CFAP47: variants seen among roughly 807,000 people sequenced by gnomAD.
CFAP47 encodes the protein cilia and flagella associated protein 47.
Under a neutral mutation model 148.1 loss-of-function variants are expected in CFAP47, and 29 were observed. That is an observed-to-expected ratio of 0.20 (90% CI 0.15 to 0.27). The LOEUF is 0.27. CFAP47 is among the 10% of genes least tolerant of loss of function. The pLI is 1.00. For synonymous variants in CFAP47, 664 were observed against 577.3 expected (o/e 1.15, Z -2.15); for missense variants, 1,872 against 1,697.5 (o/e 1.10, Z -1.81).
intron 56 of CFAP47, among the ~76,000 whole-genome samples, chrX:36,312,412 A>T (rs1466419702): frequency 1.8e-5 from 2 of 111,135 alleles, no homozygotes; most frequent in African/African-American, 3.3e-5. Flanking sequence ...GACAAAATTA[A>T]ATATAAAAGT....
intron 23 of CFAP47, among the ~76,000 whole-genome samples, chrX:36,035,483 G>A (rs1325171674): frequency 9.0e-6 from 1 of 111,320 alleles, no homozygotes; most frequent in Non-Finnish European, 1.9e-5. Flanking sequence ...AAAATGCATG[G>A]AATAATGTGT....
intron 40 of CFAP47, among the ~76,000 whole-genome samples, chrX:36,183,946 T>G (rs1295502838): frequency 9.0e-6 from 1 of 111,048 alleles, no homozygotes; most frequent in Non-Finnish European, 1.9e-5. Context: ...AATATTGAGT[T>G]ATTTAATCAT....
chrX:36,046,211 A>G (rs1036610779), intron 25 of CFAP47, among the ~76,000 whole-genome samples: 2 of 110,666 alleles, frequency 1.8e-5, no homozygotes, highest in African/African-American at 6.5e-5. Flanking sequence ...ACAAAGTAAT[A>G]TGATTAAATA....
At position 36,301,178 on chromosome X, in the gene CFAP47, A is replaced by G. The variant is rs1602098681; in HGVS notation, c.7969A>G (p.Lys2657Glu). Reference protein sequence around the residue: ...TMPEIQCDLGKHVTQIIPLVN... With the variant: ...TMPEIQCDLGEHVTQIIPLVN... ...GCCAGAAATACAGTGCGACCTTGGC[A>G]AGTAAGTTCTACTTAATAGATAAAG... Residue 2657 changes from lysine (K) to glutamate (E), a missense_variant and splice_region_variant, in exon 53 of 64, where the codon AAG (lysine) becomes GAG (glutamate). Lys to Glu is a moderately conservative substitution (Grantham distance 56). Coordinates refer to ENST00000378653, the MANE Select transcript of CFAP47 (RefSeq NM_001304548.2). 9.2e-7 allele frequency: 1 copy of G among 1,088,740 alleles called. No homozygotes were observed. The highest frequency in any genetic ancestry group is 3.3e-5 in the East Asian group (1 of 29,988). 89.7% of individuals were successfully genotyped at this position (1,088,740 alleles called of 1,213,427 possible).
chrX:36,366,700 T>A (rs1487888325), intron 61 of CFAP47, among the ~76,000 whole-genome samples: 1 of 111,555 alleles, frequency 9.0e-6, no homozygotes, highest in Non-Finnish European at 1.9e-5. Flanking sequence ...CATATGTTGT[T>A]GGTTCTTAGA....
At chrX:36,298,851 A>G (rs1453281898) in intron 51 of CFAP47, 126 bp from the exon 52 acceptor site, 3 of 407,926 alleles carry the variant, frequency 7.4e-6, no homozygotes, top group Non-Finnish European at 8.7e-6. Flanking sequence ...TCAATAGTGT[A>G]TCAAGGTAAA....
intron 48 of CFAP47, among the ~76,000 whole-genome samples, chrX:36,244,082 T>C (rs1940584827): frequency 9.0e-6 from 1 of 111,114 alleles, no homozygotes. Flanking sequence ...ATCAAGAAGA[T>C]TTCTCAAAAC....
chrX:36,042,694 A>G (rs1488156202), intron 25 of CFAP47, among the ~76,000 whole-genome samples: 1 of 111,670 alleles, frequency 9.0e-6, no homozygotes, highest in Non-Finnish European at 1.9e-5. Context: ...AAATAAATAC[A>G]CCGATATTCA....
intron 60 of CFAP47, among the ~76,000 whole-genome samples, chrX:36,354,767 C>A (rs1569324663): frequency 9.0e-6 from 1 of 110,795 alleles, no homozygotes; most frequent in Non-Finnish European, 1.9e-5. Flanking sequence ...ATTTAGGACA[C>A]CCTCTTGCCA....
At chrX:36,244,781 C>T (rs1038138471) in intron 48 of CFAP47, among the ~76,000 whole-genome samples, 1 of 110,467 alleles carries the variant, frequency 9.1e-6, no homozygotes, top group Non-Finnish European at 1.9e-5. Flanking sequence ...AGATTCACAG[C>T]CAAATTATAT....
At chrX:36,080,081 A>G (rs940245691) in intron 29 of CFAP47, among the ~76,000 whole-genome samples, 12 of 112,005 alleles carry the variant, frequency 1.1e-4, no homozygotes, top group African/African-American at 3.9e-4. Flanking sequence ...ACAAATTTAC[A>G]AGAAAAAAAT....
Position 35,966,594 on chromosome X carries a change from A to T in CFAP47, c.1440A>T (p.Gln480His), listed in dbSNP as rs892962759. ...TGATGTGTTCATTTGTTCCACATCAACTTGGAGTCTTCAAAGTGAAGCAGA... is the reference window on the plus strand; with the variant it reads ...TGATGTGTTCATTTGTTCCACATCATCTTGGAGTCTTCAAAGTGAAGCAGA... ...VDVMCSFVPHQLGVFKVKQMI... is the reference protein window; with the variant it reads ...VDVMCSFVPHHLGVFKVKQMI... Residue 480 changes from glutamine (Q) to histidine (H), a missense_variant, in exon 9 of 64, where the codon CAA becomes CAT. Transcript: ENST00000378653. 1 of 1,112,877 alleles carries T rather than the reference A, an allele frequency of 9.0e-7. No homozygotes were observed. Among genetic ancestry groups the T allele is most frequent in the African/African-American group, 1.9e-5 (1 of 52,766 alleles). 91.7% of individuals were successfully genotyped at this position (1,112,877 alleles called of 1,213,427 possible). A position where few individuals can be genotyped will look rare whatever the true frequency, so the allele number is the denominator to read the frequency against.
chrX:35,999,976 A>G (rs1461146538), intron 19 of CFAP47, among the ~76,000 whole-genome samples: 1 of 111,391 alleles, frequency 9.0e-6, no homozygotes, highest in Non-Finnish European at 1.9e-5. Context: ...ATATGGCTTC[A>G]TTATGAAGGG....
In CFAP47 at chrX:35,989,564, T is replaced by C. The variant is rs370950746; in HGVS notation, c.2844+115T>C. The C allele has an allele frequency of 3.2e-5, 38 of 1,193,561 alleles. 1 individual carries two copies. The African/African-American group carries it at 3.5e-4, about 11-fold the overall frequency. On this transcript the variant is annotated intron_variant, in intron 16 of 63. Transcript: ENST00000378653. ...TTAACTGTAAAACCCAAGACTTTCA[T>C]GCAACAGTACTAGTTTTTTTGTTAG...
At chrX:36,008,239 T>C (rs886411608) in intron 21 of CFAP47, among the ~76,000 whole-genome samples, 19 of 111,779 alleles carry the variant, frequency 1.7e-4, no homozygotes, top group Admixed American at 1.4e-3. Context: ...CCCTCACACT[T>C]AGCTTCCCTT....
intron 22 of CFAP47, among the ~76,000 whole-genome samples, chrX:36,015,863 T>C (rs1176461381): frequency 8.9e-6 from 1 of 112,098 alleles, no homozygotes; most frequent in Non-Finnish European, 1.9e-5. Context: ...ATATCTGAAA[T>C]TCAAATATTT....
chrX:36,076,408 T>G (rs1281000268), intron 29 of CFAP47, among the ~76,000 whole-genome samples: 1 of 101,658 alleles, frequency 9.8e-6, no homozygotes, highest in Non-Finnish European at 2.0e-5. Flanking sequence ...CTCTTTTTTT[T>G]GCCTGTTTAG....
At chrX:36,289,493 G>T (rs1185863666) in intron 51 of CFAP47, among the ~76,000 whole-genome samples, 2 of 110,678 alleles carry the variant, frequency 1.8e-5, no homozygotes, top group African/African-American at 6.6e-5. Context: ...ATATCTCATG[G>T]TCTAATTTGA....
At chrX:36,234,909 A>C (rs1371806864) in intron 46 of CFAP47, among the ~76,000 whole-genome samples, 1 of 111,727 alleles carries the variant, frequency 9.0e-6, no homozygotes, top group African/African-American at 3.3e-5. Flanking sequence ...GGGTACCAGC[A>C]GCGGTGGCTG....
Sources: gnomAD v4.1 joint callset for allele counts (sites outside exome capture counted in the v4.1 genomes callset) on GRCh38, gnomAD v4.1.1 for gene constraint, MANE v1.5 for transcripts, NCBI Gene and HGNC (gene_info 2026-07-23, HGNC 2026-07-21) for gene names.